The following UNC5B variants were observed in gnomAD, a reference collection of about 807,000 sequenced individuals.
The protein encoded by UNC5B is unc-5 netrin receptor B, also known as netrin receptor UNC5B.
A neutral mutation model predicts 103.7 loss-of-function variants in UNC5B; 56 were observed. The observed-to-expected ratio is 0.54, with a 90% CI of 0.44 to 0.67. The LOEUF (loss-of-function observed/expected upper bound fraction) is 0.67. UNC5B is among the 30% of genes least tolerant of loss of function. The pLI is 0.00. For synonymous variants in UNC5B, 577 were observed against 542.0 expected, an observed-to-expected ratio of 1.06 and a Z score of -0.90; for missense variants, 1,194 against 1,284.5, an observed-to-expected ratio of 0.93 and a Z score of 1.08.
intron 1 of UNC5B, among the ~76,000 whole-genome samples, chr10:71,223,573 A>C (rs906208765): frequency 1.3e-5 from 2 of 152,168 alleles, no homozygotes; most frequent in Non-Finnish European, 2.9e-5. Flanking sequence ...GGAGCCACAG[A>C]GAATTAACCA....
At chr10:71,253,472 G>T (rs1272306619) in intron 1 of UNC5B, among the ~76,000 whole-genome samples, 2 of 152,228 alleles carry the variant, frequency 1.3e-5, no homozygotes, top group Non-Finnish European at 2.9e-5. Context: ...ACCTGTAGCA[G>T]GTGGGCAGGC....
chr10:71,253,308 C>T (rs1844217717), intron 1 of UNC5B, among the ~76,000 whole-genome samples: 1 of 152,228 alleles, frequency 6.6e-6, no homozygotes, highest in East Asian at 1.9e-4. Flanking sequence ...TGCTGGCCAC[C>T]CTACTGCAAG....
chr10:71,218,859 C>A (rs907040601), intron 1 of UNC5B, among the ~76,000 whole-genome samples: 2 of 152,184 alleles, frequency 1.3e-5, no homozygotes, highest in Non-Finnish European at 2.9e-5. Context: ...TGGGTGGGAT[C>A]CCCAGTGGAG....
At chr10:71,274,385 A>G (rs1042850652) in intron 1 of UNC5B, among the ~76,000 whole-genome samples, 6 of 152,138 alleles carry the variant, frequency 3.9e-5, no homozygotes, top group African/African-American at 1.4e-4. Flanking sequence ...AAAATAAAAT[A>G]GAAATTAGAA....
At chr10:71,216,108 A>T in intron 1 of UNC5B, among the ~76,000 whole-genome samples, 1 of 152,116 alleles carries the variant, frequency 6.6e-6, no homozygotes, top group East Asian at 1.9e-4. Context: ...AACTGTTGAC[A>T]CTTTGGGACA....
intron 1 of UNC5B, among the ~76,000 whole-genome samples, chr10:71,250,270 G>A (rs527280278): frequency 3.3e-5 from 5 of 152,288 alleles, no homozygotes; most frequent in East Asian, 3.9e-4. Flanking sequence ...CCGAGCCTCC[G>A]GCCGTTCTGC....
chr10:71,229,066 C>T (rs1257365725), intron 1 of UNC5B, among the ~76,000 whole-genome samples: 5 of 152,138 alleles, frequency 3.3e-5, no homozygotes, highest in African/African-American at 7.2e-5. Flanking sequence ...AGTGACTGGG[C>T]GGTGAGGGAA....
chr10:71,229,025 G>T (rs1031293442), intron 1 of UNC5B, among the ~76,000 whole-genome samples: 1 of 152,184 alleles, frequency 6.6e-6, no homozygotes, highest in Non-Finnish European at 1.5e-5. Context: ...CAATGCCCAG[G>T]GAGTGCTGGA....
chr10:71,229,151 T>C (rs1843631580), intron 1 of UNC5B, among the ~76,000 whole-genome samples: 1 of 152,222 alleles, frequency 6.6e-6, no homozygotes. Context: ...GAGCTGTTGA[T>C]TGATGGACGG....
chr10:71,223,882 G>C (rs1843499199), intron 1 of UNC5B, among the ~76,000 whole-genome samples: 1 of 152,236 alleles, frequency 6.6e-6, no homozygotes, highest in South Asian at 2.1e-4. Context: ...CTGACTCCAG[G>C]CCTCAGCCCT....
At chr10:71,266,978 T>C (rs1844538041) in intron 1 of UNC5B, among the ~76,000 whole-genome samples, 1 of 152,126 alleles carries the variant, frequency 6.6e-6, no homozygotes, top group Admixed American at 6.5e-5. Context: ...CGTCACTTAG[T>C]CACTCAGTGG....
At chr10:71,257,544 G>A (rs1844319326) in intron 1 of UNC5B, among the ~76,000 whole-genome samples, 1 of 152,178 alleles carries the variant, frequency 6.6e-6, no homozygotes, top group African/African-American at 2.4e-5. Flanking sequence ...CTGACTGGGT[G>A]GTGAGCTTCC....
In UNC5B at chr10:71,262,951, A is replaced by G. The variant is rs142095573; in HGVS notation, c.80-16870A>G. Among the ~76,000 whole-genome samples the G allele has an allele frequency of 1.3e-3, 197 of 152,372 alleles. 1 individual carries two copies. Among genetic ancestry groups the G allele is most frequent in the East Asian group, 9.6e-3 (50 of 5,182 alleles). On this transcript the variant is annotated intron_variant, in intron 1 of 16. Coordinates refer to ENST00000335350, the MANE Select transcript of UNC5B (RefSeq NM_170744.5). The stretch of plus-strand genomic sequence containing the variant: ...TATAACTTGAAAAGGTAATGAGGGT[A>G]ATAAGGAAAAGAGATGCCAGACGAA...
At position 71,284,809 on chromosome 10, in the gene UNC5B, G is replaced by T. The variant is rs1475024343; in HGVS notation, c.394G>T (p.Ala132Ser). 2 of 1,613,736 alleles carry T rather than the reference G, an allele frequency of 1.2e-6. No homozygotes were observed. Among genetic ancestry groups the T allele is most frequent in the Non-Finnish European group, 1.7e-6 (2 of 1,179,910 alleles). The change falls in exon 3 of 17, where the codon GCC (alanine) becomes TCC (serine). Residue 132 changes from alanine (A) to serine (S), a missense_variant. Physicochemically the swap from Ala to Ser is moderately conservative, Grantham distance 99. Transcript: ENST00000335350. ...GLEDYWCQCV[A>S]WSSAGTTKSR... Reference sequence around the variant, plus strand: ...GGAGGATTACTGGTGCCAGTGCGTGGCCTGGAGCTCCGCGGGCACCACCAA... The same window carrying T: ...GGAGGATTACTGGTGCCAGTGCGTGTCCTGGAGCTCCGCGGGCACCACCAA...
At chr10:71,254,454 G>A (rs1222335937) in intron 1 of UNC5B, among the ~76,000 whole-genome samples, 2 of 152,240 alleles carry the variant, frequency 1.3e-5, no homozygotes, top group African/African-American at 2.4e-5. Context: ...CCTCTGGATA[G>A]GCCCCTAGAG....
chr10:71,273,608 T>C (rs992722004), intron 1 of UNC5B, among the ~76,000 whole-genome samples: 20 of 152,222 alleles, frequency 1.3e-4, no homozygotes, highest in African/African-American at 4.3e-4. Context: ...ACACCTCTTA[T>C]ACAAGCTTGT....
At chr10:71,224,849 A>G (rs1054255681) in intron 1 of UNC5B, among the ~76,000 whole-genome samples, 2 of 152,108 alleles carry the variant, frequency 1.3e-5, no homozygotes, top group Non-Finnish European at 2.9e-5. Context: ...TCTTTCTGAT[A>G]TTGCCTTCTT....
intron 1 of UNC5B, among the ~76,000 whole-genome samples, chr10:71,260,684 C>T (rs537844596): frequency 3.9e-5 from 6 of 152,326 alleles, no homozygotes; most frequent in African/African-American, 1.4e-4. Context: ...TAAAGAGCCT[C>T]GGCAGCCAGG....
At chr10:71,252,365 A>G (rs781004861) in intron 1 of UNC5B, among the ~76,000 whole-genome samples, 1 of 152,192 alleles carries the variant, frequency 6.6e-6, no homozygotes, top group Non-Finnish European at 1.5e-5. Context: ...GTGTCCTGCC[A>G]TGAGTCCCAG....
Sources: gnomAD v4.1 joint callset for allele counts (sites outside exome capture counted in the v4.1 genomes callset) on GRCh38, gnomAD v4.1.1 for gene constraint, MANE v1.5 for transcripts, NCBI Gene and HGNC (gene_info 2026-07-23, HGNC 2026-07-21) for gene names.